ZDHHC14: variants seen among roughly 807,000 people sequenced by gnomAD.
ZDHHC14 encodes the protein palmitoyltransferase ZDHHC14.
ZDHHC14 carries 16 observed loss-of-function variants against 47.7 expected under a neutral mutation model. The observed-to-expected ratio is 0.34, with a 90% CI of 0.23 to 0.51. ZDHHC14 has a LOEUF of 0.51. ZDHHC14 is among the 20% of genes least tolerant of loss of function. The pLI is 0.97. For synonymous variants in ZDHHC14, 293 were observed against 278.9 expected, an observed-to-expected ratio of 1.05 and a Z score of -0.50; for missense variants, 515 against 662.5, an observed-to-expected ratio of 0.78 and a Z score of 2.44.
chr6:157,453,499 T>G (rs1420597518), intron 1 of ZDHHC14, among the ~76,000 whole-genome samples: 1 of 152,218 alleles, frequency 6.6e-6, no homozygotes. Context: ...TTTCATATTT[T>G]ATTATTTTCT....
chr6:157,545,534 C>T (rs192179970), intron 2 of ZDHHC14, among the ~76,000 whole-genome samples: 24 of 151,966 alleles, frequency 1.6e-4, no homozygotes, highest in East Asian at 5.8e-4. Flanking sequence ...AAAAATTAGC[C>T]GGGTGTGGTG....
At chr6:157,634,401 A>G (rs1413199460) in intron 5 of ZDHHC14, among the ~76,000 whole-genome samples, 1 of 152,134 alleles carries the variant, frequency 6.6e-6, no homozygotes, top group Non-Finnish European at 1.5e-5. Context: ...TGCTATTAGG[A>G]TCAGGTCCAG....
chr6:157,645,890 T>C, intron 6 of ZDHHC14, 51 bp downstream of exon 6: 1 of 1,515,588 alleles, frequency 6.6e-7, no homozygotes, highest in Non-Finnish European at 9.1e-7. Context: ...TTTTGGGCAA[T>C]GGAGGAGAAA....
At chr6:157,535,359 G>A (rs988603340) in intron 1 of ZDHHC14, among the ~76,000 whole-genome samples, 22 of 152,292 alleles carry the variant, frequency 1.4e-4, no homozygotes, top group African/African-American at 5.1e-4. Context: ...CGACTCGGTA[G>A]GGTGACCTTC....
intron 3 of ZDHHC14, among the ~76,000 whole-genome samples, chr6:157,612,951 A>G (rs1379421946): frequency 6.6e-6 from 1 of 152,060 alleles, no homozygotes; most frequent in Non-Finnish European, 1.5e-5. Context: ...AATGAAACCC[A>G]TATCCTTCAC....
At chr6:157,664,031 G>A (rs183575922) in intron 8 of ZDHHC14, among the ~76,000 whole-genome samples, 94 of 152,162 alleles carry the variant, frequency 6.2e-4, no homozygotes, top group Non-Finnish European at 1.1e-3. Context: ...ACATCTACAG[G>A]GGTGACTGTG....
chr6:157,459,099 A>C (rs1779003384), intron 1 of ZDHHC14, among the ~76,000 whole-genome samples: 1 of 152,044 alleles, frequency 6.6e-6, no homozygotes, highest in African/African-American at 2.4e-5. Flanking sequence ...ACATATATCC[A>C]TGCAATGGCC....
At chr6:157,531,777 A>C (rs1033362607) in intron 1 of ZDHHC14, among the ~76,000 whole-genome samples, 2 of 152,200 alleles carry the variant, frequency 1.3e-5, no homozygotes, top group Non-Finnish European at 2.9e-5. Context: ...GTACTCGTAG[A>C]CTTGTTCTCC....
chr6:157,444,233 C>T (rs1448032518), intron 1 of ZDHHC14, among the ~76,000 whole-genome samples: 1 of 152,210 alleles, frequency 6.6e-6, no homozygotes, highest in African/African-American at 2.4e-5. Flanking sequence ...AGTTAGTGAG[C>T]ATATCATACT....
intron 1 of ZDHHC14, among the ~76,000 whole-genome samples, chr6:157,493,311 C>A (rs987656212): frequency 4.6e-5 from 7 of 152,230 alleles, no homozygotes; most frequent in African/African-American, 1.7e-4. Context: ...CAGATAAACA[C>A]CAGCCACCGC....
chr6:157,411,231 A>C (rs533917627), intron 1 of ZDHHC14, among the ~76,000 whole-genome samples: 1 of 152,308 alleles, frequency 6.6e-6, no homozygotes, highest in East Asian at 1.9e-4. Flanking sequence ...AAAAAAAGCC[A>C]ATCTCAAAAG....
chr6:157,583,435 A>T (rs1427133210), intron 2 of ZDHHC14, among the ~76,000 whole-genome samples: 1 of 151,416 alleles, frequency 6.6e-6, no homozygotes, highest in Non-Finnish European at 1.5e-5. Flanking sequence ...CAAGGTCTTT[A>T]TTTATAGTTA....
intron 3 of ZDHHC14, among the ~76,000 whole-genome samples, chr6:157,607,520 C>T (rs111818070): frequency 0.026 from 3,896 of 152,218 alleles, 183 homozygotes; most frequent in African/African-American, 0.09. Flanking sequence ...GAGGAAGGAC[C>T]ACCTACAGTG....
chr6:157,641,154 T>C (rs1777229741), intron 5 of ZDHHC14, among the ~76,000 whole-genome samples: 1 of 151,632 alleles, frequency 6.6e-6, no homozygotes, highest in Admixed American at 6.6e-5. Flanking sequence ...CTTCTGTTGA[T>C]GGATATTAGA....
chr6:157,482,260 CTT>C (rs1231434907), intron 1 of ZDHHC14, among the ~76,000 whole-genome samples: 2,238 of 127,532 alleles, frequency 0.018, 29 homozygotes, highest in Non-Finnish European at 0.025. Flanking sequence ...CTTTTCTTTT[CTT>C]TTTTTTTTTT....
chr6:157,447,323 A>T (rs1778696350), intron 1 of ZDHHC14, among the ~76,000 whole-genome samples: 1 of 152,118 alleles, frequency 6.6e-6, no homozygotes, highest in African/African-American at 2.4e-5. Context: ...CCAAGGGTCA[A>T]GTGGGGGCAC....
rs944456476 is a variant in ZDHHC14 at position 157,674,256 on chromosome 6, C to A, written c.*1134C>A. 2.6e-5 allele frequency: 4 copies of A among 152,136 alleles called. No individual in the cohort carries two copies. Among genetic ancestry groups the A allele is most frequent in the African/African-American group, 9.7e-5 (4 of 41,408 alleles). The allele number at this position is 152,136 out of a possible 1,614,324, so 9.4% of individuals were successfully genotyped here. A position where few individuals can be genotyped will look rare whatever the true frequency, so the allele number is the denominator to read the frequency against. On this transcript the variant is annotated 3_prime_UTR_variant, in exon 9 of 9. Transcript: ENST00000359775. The stretch of plus-strand genomic sequence containing the variant: ...GGGAGAAGGTTCTGTCGGGCGTCTT[C>A]TGGGCTTCCTTCTGTGTTAACGTGT...
At position 157,600,230 on chromosome 6, in the gene ZDHHC14, C is replaced by G. The variant is rs1017764987; in HGVS notation, c.565+7084C>G. On this transcript the variant is annotated intron_variant, in intron 3 of 8. Transcript: ENST00000359775. Reference sequence around the variant, plus strand: ...CCACCCTTATTTATAAACATTACAACAAGCCAACGTGAAGACATAGCAAAC... The same window carrying G: ...CCACCCTTATTTATAAACATTACAAGAAGCCAACGTGAAGACATAGCAAAC... Among the ~76,000 whole-genome samples the G allele has an allele frequency of 1.1e-4, 16 of 152,058 alleles. 1 individual carries two copies. The highest frequency in any genetic ancestry group is 1.8e-4 in the Non-Finnish European group (12 of 67,984).
At chr6:157,643,006 G>A (rs953331155) in intron 5 of ZDHHC14, among the ~76,000 whole-genome samples, 1 of 152,244 alleles carries the variant, frequency 6.6e-6, no homozygotes, top group Non-Finnish European at 1.5e-5. Context: ...TCCCAGCAGA[G>A]CAGACTTCCG....
Sources: gnomAD v4.1 joint callset for allele counts (sites outside exome capture counted in the v4.1 genomes callset) on GRCh38, gnomAD v4.1.1 for gene constraint, MANE v1.5 for transcripts, NCBI Gene and HGNC (gene_info 2026-07-23, HGNC 2026-07-21) for gene names.